KIF18A: variants seen among roughly 807,000 people sequenced by gnomAD.
The protein encoded by KIF18A is kinesin-like protein KIF18A.
In KIF18A, 67 loss-of-function variants were observed where a neutral mutation model predicts 103.3. That is an observed-to-expected ratio of 0.65 (90% confidence interval 0.53 to 0.79). The LOEUF (loss-of-function observed/expected upper bound fraction) is 0.79, where lower values mean the gene tolerates loss of function less well. Among genes scored for constraint, KIF18A ranks in the 30% least tolerant of loss-of-function variants. KIF18A has a pLI of 0.00. For missense variants in KIF18A, 1,032 were observed against 1,062.5 expected, an observed-to-expected ratio of 0.97 and a Z score of 0.40; for synonymous variants, 367 against 355.5, an observed-to-expected ratio of 1.03 and a Z score of -0.36.
rs1435372634 is a variant in KIF18A at position 28,097,691 on chromosome 11, T to C, written c.257A>G (p.Gln86Arg). The C allele has an allele frequency of 2.5e-6, 4 of 1,611,520 alleles. No homozygotes were observed. The highest frequency in any genetic ancestry group is 3.4e-6 in the Non-Finnish European group (4 of 1,178,218). ...FDAVFDETST[Q>R]SEVFEHTTKP... is the part of the protein sequence containing the mutation. ...AGTAGTGTGTTCAAAAACTTCTGAC[T>C]GAGTTGACGTTTCATCAAAAACAGC... The change falls in exon 2 of 17, where the codon CAG becomes CGG. Residue 86 changes from glutamine to arginine, a missense_variant. Gln to Arg is a conservative substitution (Grantham distance 43, BLOSUM62 1). Coordinates refer to ENST00000263181, the MANE Select transcript of KIF18A (RefSeq NM_031217.4).
chr11:28,091,388 A>C lies in KIF18A; in HGVS notation c.588+21T>G, dbSNP rs149869345. 40 of 1,298,756 alleles carry C rather than the reference A, an allele frequency of 3.1e-5. No homozygotes were observed. The African/African-American group carries it at 5.3e-4, about 17-fold the overall frequency. The allele number at this position is 1,298,756 out of a possible 1,614,324, so 80.5% of individuals were successfully genotyped here. ...GTCACATTTGCTATTCTAACAGGGA[A>C]AAAGATGTTTATATACATACCTGGT... is the stretch of plus-strand genomic sequence containing the variant. On this transcript the variant is annotated intron_variant, in intron 4 of 16. Transcript: ENST00000263181.
chr11:28,049,497 A>G lies in KIF18A; in HGVS notation c.1948+9429T>C, dbSNP rs189270136. On this transcript the variant is annotated intron_variant, in intron 13 of 16. Transcript: ENST00000263181. ...TTTATAGAGCTGTATGTTATTGTAA[A>G]GGAAGAATGCGGTATTTAGCAAACA... Among the ~76,000 whole-genome samples the G allele has an allele frequency of 4.4e-3, 671 of 152,148 alleles. 6 individuals carry two copies. Among genetic ancestry groups the G allele is most frequent in the African/African-American group, 0.014 (580 of 41,556 alleles).
At chr11:28,032,609 C>T (rs1298522627) in intron 15 of KIF18A, among the ~76,000 whole-genome samples, 1 of 151,770 alleles carries the variant, frequency 6.6e-6, no homozygotes. Flanking sequence ...CAAGAACATA[C>T]ATTGGGAAAA....
At chr11:28,076,857 C>A (rs556382526) in intron 10 of KIF18A, 150 bp downstream of exon 10, 124 of 412,660 alleles carry the variant, frequency 3.0e-4, no homozygotes, top group Non-Finnish European at 3.1e-4. Flanking sequence ...TTGCTTGAAT[C>A]CGGAAGGCAG....
In KIF18A at chr11:28,094,807, T is replaced by G; in HGVS notation, c.326-7A>C. 6.2e-7 allele frequency: 1 copy of G among 1,613,474 alleles called. No individual in the cohort carries two copies. The highest frequency in any genetic ancestry group is 8.5e-7 in the Non-Finnish European group (1 of 1,179,490). Reference sequence around the variant, plus strand: ...GTGGCACCATAGGCAAGTACTGAGTTTTTAAGAAAGGGATCAAAACTCTTT... The same window carrying G: ...GTGGCACCATAGGCAAGTACTGAGTGTTTAAGAAAGGGATCAAAACTCTTT... On this transcript the variant is annotated splice_polypyrimidine_tract_variant and splice_region_variant and intron_variant, in intron 2 of 16. Transcript: ENST00000263181.
In KIF18A at chr11:28,097,928, T is replaced by G; in HGVS notation, c.20A>C (p.Asp7Ala). 1 of 1,581,080 alleles carries G rather than the reference T, an allele frequency of 6.3e-7. No individual in the cohort carries two copies. Among genetic ancestry groups the G allele is most frequent in the Non-Finnish European group, 8.6e-7 (1 of 1,165,858 alleles). Residue 7 changes from aspartate (D) to alanine (A), a missense_variant, in exon 2 of 17, where the codon GAC (aspartate) becomes GCC (alanine). Asp to Ala is a moderately radical substitution (Grantham distance 126, BLOSUM62 -2). Transcript: ENST00000263181. Reference protein sequence around the residue: MSVTEEDLCHHMKVVVR... With the variant: MSVTEEALCHHMKVVVR... ...TACTACTTTCATATGGTGGCACAGG[T>G]CTTCCTCAGTGACAGACATTGTTGA...
intron 13 of KIF18A, among the ~76,000 whole-genome samples, chr11:28,056,598 C>T (rs1590682657): frequency 6.6e-6 from 1 of 151,948 alleles, no homozygotes; most frequent in Middle Eastern, 3.4e-3. Flanking sequence ...GAAACAAATT[C>T]AGAAAGTCAG....
rs1364003474 is a variant in KIF18A at position 28,094,815 on chromosome 11, A to C, written c.326-15T>G. The C allele has an allele frequency of 1.2e-6, 2 of 1,611,582 alleles. No individual in the cohort carries two copies. The highest frequency in any genetic ancestry group is 1.7e-5 in the Admixed American group (1 of 59,972). On this transcript the variant is annotated splice_polypyrimidine_tract_variant and intron_variant, in intron 2 of 16. Transcript: ENST00000263181. ...ATAGGCAAGTACTGAGTTTTTAAGA[A>C]AGGGATCAAAACTCTTTGTTATGAA...
rs993771572 is a variant in KIF18A at position 28,062,568 on chromosome 11, T to C, written c.1591-52A>G. Reference sequence around the variant, plus strand: ...TCAGATCACTCTAAGAATATTGAAATTAAATCAGTTTAATAATTTTATATT... The same window carrying C: ...TCAGATCACTCTAAGAATATTGAAACTAAATCAGTTTAATAATTTTATATT... On this transcript the variant is annotated intron_variant, in intron 11 of 16. Coordinates refer to ENST00000263181, the MANE Select transcript of KIF18A (RefSeq NM_031217.4). 7 of 1,361,000 alleles carry C rather than the reference T, an allele frequency of 5.1e-6. No homozygotes were observed. In the Admixed American group the frequency reaches 1.4e-4, roughly 28 times the overall value. 84.3% of individuals were successfully genotyped at this position (1,361,000 alleles called of 1,614,324 possible). A position where few individuals can be genotyped will look rare whatever the true frequency, so the allele number is the denominator to read the frequency against.
intron 12 of KIF18A, among the ~76,000 whole-genome samples, chr11:28,060,033 G>A (rs969728866): frequency 7.9e-5 from 12 of 152,180 alleles, no homozygotes; most frequent in Middle Eastern, 3.4e-3. Flanking sequence ...ATAAATAATC[G>A]TTAGGGCACT....
Position 28,023,856 on chromosome 11 carries a change from G to A in KIF18A, c.2505-6C>T. 1 of 1,570,352 alleles carries A rather than the reference G, an allele frequency of 6.4e-7. No individual in the cohort carries two copies. Among genetic ancestry groups the A allele is most frequent in the Non-Finnish European group, 8.7e-7 (1 of 1,146,842 alleles). On this transcript the variant is annotated splice_region_variant and splice_polypyrimidine_tract_variant and intron_variant, in intron 15 of 16. Transcript: ENST00000263181. ...ACGAACTGTTTGATGTAGAACTTGA[G>A]AGGAAAAGTTTTTAATTTAGTTAAG... is the stretch of plus-strand genomic sequence containing the variant.
intron 1 of KIF18A, among the ~76,000 whole-genome samples, chr11:28,104,475 G>T (rs1851481758): frequency 6.6e-6 from 1 of 152,098 alleles, no homozygotes; most frequent in Non-Finnish European, 1.5e-5. Flanking sequence ...ATTACCTCCA[G>T]ATATTTGCAA....
At chr11:28,096,408 A>T (rs548266281) in intron 2 of KIF18A, among the ~76,000 whole-genome samples, 1 of 152,274 alleles carries the variant, frequency 6.6e-6, no homozygotes, top group East Asian at 1.9e-4. Flanking sequence ...GTTCTATTTT[A>T]TGTAAGCTGG....
chr11:28,082,897 T>C lies in KIF18A; in HGVS notation c.1221A>G (p.Ala407=). The C allele has an allele frequency of 6.2e-7, 1 of 1,605,824 alleles. No individual in the cohort carries two copies. The highest frequency in any genetic ancestry group is 8.5e-7 in the Non-Finnish European group (1 of 1,175,178). The change falls in exon 9 of 17, where the codon GCA becomes GCG. Residue 407 remains alanine, a synonymous_variant. Coordinates refer to ENST00000263181, the MANE Select transcript of KIF18A (RefSeq NM_031217.4). The stretch of plus-strand genomic sequence containing the variant: ...CCTGAGGGTTTGAAATCATTAACTT[T>C]GCTTGGTCATTTTCATTAGTGAAGG... ...QKAFTNENDQ[A]KLMISNPQEK...
At chr11:28,102,069 A>G (rs968061789) in intron 1 of KIF18A, among the ~76,000 whole-genome samples, 4 of 152,196 alleles carry the variant, frequency 2.6e-5, no homozygotes, top group African/African-American at 9.7e-5. Context: ...ATTGCCCTGC[A>G]AAGTTTCTTG....
intron 15 of KIF18A, among the ~76,000 whole-genome samples, chr11:28,030,439 C>G (rs1344423756): frequency 1.3e-5 from 2 of 151,864 alleles, no homozygotes; most frequent in Non-Finnish European, 2.9e-5. Flanking sequence ...GAAAGGATTC[C>G]CCATTTAATA....
chr11:28,034,168 G>T (rs1850449021), intron 15 of KIF18A, among the ~76,000 whole-genome samples: 1 of 151,532 alleles, frequency 6.6e-6, no homozygotes, highest in South Asian at 2.1e-4. Flanking sequence ...GTATCTATTT[G>T]TTGAAATTAT....
At chr11:28,102,470 C>T (rs923364446) in intron 1 of KIF18A, among the ~76,000 whole-genome samples, 4 of 152,138 alleles carry the variant, frequency 2.6e-5, no homozygotes, top group Non-Finnish European at 5.9e-5. Flanking sequence ...TAAAAAACCA[C>T]GCTGTACACT....
intron 7 of KIF18A, 83 bp downstream of exon 7, chr11:28,084,549 A>G: frequency 8.6e-7 from 1 of 1,165,586 alleles, no homozygotes; most frequent in East Asian, 2.5e-5. Context: ...TAGAAACATA[A>G]CCTGAATTAA....
Sources: allele counts gnomAD v4.1 joint callset (sites outside exome capture counted in the v4.1 genomes callset), GRCh38; gene constraint gnomAD v4.1.1; transcripts MANE v1.5; gene names NCBI Gene and HGNC (gene_info 2026-07-23, HGNC 2026-07-21).